Variants in DSCAML1 observed in about 807,000 individuals in gnomAD.
DSCAML1 encodes cell adhesion molecule DSCAML1.
Under a neutral mutation model 200.5 loss-of-function variants are expected in DSCAML1, and 38 were observed. The ratio of observed to expected loss-of-function variants is 0.19; its 90% CI spans 0.15 to 0.25. DSCAML1 has a LOEUF of 0.25. Ranked by LOEUF, DSCAML1 falls within the 10% of genes least tolerant of loss-of-function variation. DSCAML1 has a pLI of 1.00. For synonymous variants in DSCAML1, 1,215 were observed against 1,165.0 expected, an observed-to-expected ratio of 1.04 and a Z score of -0.87; for missense variants, 2,223 against 2,858.8, an observed-to-expected ratio of 0.78 and a Z score of 5.07.
In DSCAML1 at chr11:117,736,010, C is replaced by G. The variant is rs149870399; in HGVS notation, c.511+40781G>C. 8.5e-5 allele frequency among the ~76,000 whole-genome samples: 13 copies of G among 152,326 alleles called. No individual in the cohort carries two copies. In the East Asian group the frequency reaches 2.5e-3, roughly 29 times the overall value. Reference sequence around the variant, plus strand: ...ATCTATAGGGCTCCCCAGAGAGCTCCCAGAAATCACAGACTGGCAGTGTCT... The same window carrying G: ...ATCTATAGGGCTCCCCAGAGAGCTCGCAGAAATCACAGACTGGCAGTGTCT... On this transcript the variant is annotated intron_variant, in intron 3 of 32. Transcript: ENST00000651296.
chr11:117,529,705 C>T (rs545661093), intron 4 of DSCAML1, among the ~76,000 whole-genome samples: 1 of 152,138 alleles, frequency 6.6e-6, no homozygotes, highest in East Asian at 1.9e-4. Context: ...GCCCCAGGAG[C>T]TCTCGGGGGT....
chr11:117,651,711 C>CAAAAAA (rs1193144259), intron 3 of DSCAML1, among the ~76,000 whole-genome samples: 8 of 31,096 alleles, frequency 2.6e-4, no homozygotes, highest in Non-Finnish European at 5.5e-4. Context: ...GACTCTGTCT[C>CAAAAAA]AAAAAAAAAA....
At chr11:117,737,030 A>C (rs528403405) in intron 3 of DSCAML1, among the ~76,000 whole-genome samples, 1 of 152,152 alleles carries the variant, frequency 6.6e-6, no homozygotes, top group Non-Finnish European at 1.5e-5. Flanking sequence ...AGAGCTCAAC[A>C]AGCTGCTATA....
intron 3 of DSCAML1, among the ~76,000 whole-genome samples, chr11:117,617,283 G>A (rs2137542558): frequency 6.6e-6 from 1 of 152,330 alleles, no homozygotes; most frequent in African/African-American, 2.4e-5. Flanking sequence ...CCATTCTGAG[G>A]GAAGCTGGGC....
intron 16 of DSCAML1, among the ~76,000 whole-genome samples, chr11:117,465,459 C>T (rs1404432801): frequency 6.6e-6 from 1 of 152,216 alleles, no homozygotes. Context: ...CACTCCTCCC[C>T]TCTGCCGCGT....
chr11:117,579,750 C>T (rs2137457972), intron 3 of DSCAML1, among the ~76,000 whole-genome samples: 1 of 152,238 alleles, frequency 6.6e-6, no homozygotes, highest in South Asian at 2.1e-4. Context: ...CCACTGTATT[C>T]CTGGTGCCTA....
At chr11:117,453,083 C>T (rs1043160045) in intron 19 of DSCAML1, among the ~76,000 whole-genome samples, 1 of 152,078 alleles carries the variant, frequency 6.6e-6, no homozygotes, top group African/African-American at 2.4e-5. Flanking sequence ...TATGGGCGCC[C>T]ACCATGATGC....
In DSCAML1 at chr11:117,516,235, G is replaced by A. The variant is rs1004837521; in HGVS notation, c.1783+232C>T. ...CTCTCATGCACCTGGGGTGTGTGCT[G>A]TCTTATTCTGCAGCCCGAGGAGGAC... On this transcript the variant is annotated intron_variant, in intron 8 of 32. Coordinates refer to ENST00000651296, the MANE Select transcript of DSCAML1 (RefSeq NM_020693.4). This position sits in a 1 kb window ranked among gnomAD's most constrained non-coding sequence, Gnocchi z 5.7. Among the ~76,000 whole-genome samples the A allele has an allele frequency of 1.3e-5, 2 of 152,208 alleles. No individual in the cohort carries two copies. Among genetic ancestry groups the A allele is most frequent in the Non-Finnish European group, 2.9e-5 (2 of 68,036 alleles).
At chr11:117,600,296 T>C (rs991566078) in intron 3 of DSCAML1, among the ~76,000 whole-genome samples, 1 of 152,144 alleles carries the variant, frequency 6.6e-6, no homozygotes, top group African/African-American at 2.4e-5. Context: ...AACACCTCCT[T>C]TCTCTGCCTG....
At chr11:117,634,683 C>T (rs2052242369) in intron 3 of DSCAML1, among the ~76,000 whole-genome samples, 1 of 152,224 alleles carries the variant, frequency 6.6e-6, no homozygotes, top group Non-Finnish European at 1.5e-5. Context: ...CCTCTTCCCT[C>T]CTGCCAACTC....
intron 3 of DSCAML1, among the ~76,000 whole-genome samples, chr11:117,763,085 G>A (rs1565269656): frequency 6.6e-6 from 1 of 152,102 alleles, no homozygotes; most frequent in East Asian, 1.9e-4. Flanking sequence ...CCCCTTGCCG[G>A]TTCCTGGGGT....
chr11:117,537,682 T>A (rs534041617), intron 3 of DSCAML1, among the ~76,000 whole-genome samples: 1 of 152,296 alleles, frequency 6.6e-6, no homozygotes, highest in African/African-American at 2.4e-5. Context: ...CTAATAAGAC[T>A]AGTGTTCGTC....
Position 117,757,573 on chromosome 11 carries a change from T to TACACACAC in DSCAML1, c.511+19210_511+19217dup, listed in dbSNP as rs5795104. Among the ~76,000 whole-genome samples the TACACACAC allele has an allele frequency of 9.6e-4, 141 of 146,902 alleles. 1 individual carries two copies. The highest frequency in any genetic ancestry group is 3.5e-3 in the Middle Eastern group (1 of 288). ...GCATTTTTAACCAATTAGGAGCCTA[T>TACACACAC]ACACACACACACACACACACACACA... is the stretch of plus-strand genomic sequence containing the variant. On this transcript the variant is annotated intron_variant, in intron 3 of 32. Coordinates refer to ENST00000651296, the MANE Select transcript of DSCAML1 (RefSeq NM_020693.4).
chr11:117,805,502 G>T (rs1253661669), intron 1 of DSCAML1, among the ~76,000 whole-genome samples: 2 of 152,226 alleles, frequency 1.3e-5, no homozygotes, highest in East Asian at 3.8e-4. Flanking sequence ...TTGGAAAACA[G>T]TGGAATAATC....
intron 1 of DSCAML1, among the ~76,000 whole-genome samples, chr11:117,802,649 C>T (rs141374458): frequency 4.5e-4 from 69 of 152,288 alleles, no homozygotes; most frequent in South Asian, 1.2e-3. Context: ...ACATTAGACC[C>T]CGCAGGAGTG....
At chr11:117,629,514 G>A (rs2052127618) in intron 3 of DSCAML1, among the ~76,000 whole-genome samples, 1 of 146,998 alleles carries the variant, frequency 6.8e-6, no homozygotes, top group Admixed American at 6.7e-5. Context: ...AGGGGGCCTG[G>A]ACAGACTGGG....
At position 117,503,995 on chromosome 11, in the gene DSCAML1, G is replaced by C; in HGVS notation, c.2209C>G (p.Pro737Ala). The C allele has an allele frequency of 6.2e-7, 1 of 1,614,154 alleles. No homozygotes were observed. The highest frequency in any genetic ancestry group is 1.1e-5 in the South Asian group (1 of 91,072). Residue 737 changes from proline to alanine, a missense_variant, in exon 11 of 33, where the codon CCT becomes GCT. By Grantham distance (27) the Pro-to-Ala change is conservative. Coordinates refer to ENST00000651296, the MANE Select transcript of DSCAML1 (RefSeq NM_020693.4). This position sits in a 1 kb window ranked among gnomAD's most constrained non-coding sequence, Gnocchi z 5.2. ...TGGATGCGGCCAGTGAGGGGCACAG[G>C]GTGGTACTGCTGGGGGTTCCCGCTC... The part of the protein sequence containing the change: ...KGSGNPQQYH[P>A]VPLTGRIQIL...
intron 3 of DSCAML1, among the ~76,000 whole-genome samples, chr11:117,539,630 A>AG (rs59522619): frequency 7.1e-6 from 1 of 140,528 alleles, no homozygotes; most frequent in Non-Finnish European, 1.5e-5. Flanking sequence ...AAAAAAAAAA[A>AG]GGAATAAAGG....
chr11:117,526,068 C>A (rs1025220403), intron 4 of DSCAML1, among the ~76,000 whole-genome samples: 5 of 152,206 alleles, frequency 3.3e-5, no homozygotes, highest in Non-Finnish European at 7.3e-5. Context: ...ATAGCGCCTG[C>A]GGGCAGGATT....
Sources: allele counts gnomAD v4.1 joint callset (sites outside exome capture counted in the v4.1 genomes callset), GRCh38; gene constraint gnomAD v4.1.1; non-coding constraint Gnocchi (gnomAD v3.1); transcripts MANE v1.5; gene names NCBI Gene and HGNC (gene_info 2026-07-23, HGNC 2026-07-21).